The following PLPPR3 variants were observed in gnomAD, a reference collection of about 807,000 sequenced individuals.
The protein encoded by PLPPR3 is phospholipid phosphatase related 3.
Under a neutral mutation model 27.3 loss-of-function variants are expected in PLPPR3, and 14 were observed. That is an observed-to-expected ratio of 0.51 (90% CI 0.34 to 0.80). The LOEUF is 0.80. PLPPR3 is among the 30% of genes least tolerant of loss of function. PLPPR3 has a pLI of 0.01. For synonymous variants in PLPPR3, 671 were observed against 508.0 expected (o/e 1.32, Z -4.32); for missense variants, 1,287 against 1,056.9 (o/e 1.22, Z -3.02).
rs777265718 is a variant in PLPPR3 at position 812,911 on chromosome 19, C to T, written c.1816G>A (p.Ala606Thr). Residue 606 changes from alanine to threonine, a missense_variant, in exon 8 of 8, where the codon GCG becomes ACG. By Grantham distance (58) the Ala-to-Thr change is moderately conservative (BLOSUM62 0). Transcript: ENST00000520876. ...SAGGAPWEWK[A>T]AGGGAKAEAD... ...TCCGCCTTGGCCCCGCCGCCCGCCG[C>T]CTTCCACTCCCAGGGCGCGCCGCCG... 1.5e-6 allele frequency: 2 copies of T among 1,306,968 alleles called. No homozygotes were observed. Among genetic ancestry groups the T allele is most frequent in the Admixed American group, 3.9e-5 (1 of 25,526 alleles). 81.0% of individuals were successfully genotyped at this position (1,306,968 alleles called of 1,614,324 possible).
Position 812,878 on chromosome 19 carries a change from C to G in PLPPR3, c.1849G>C (p.Gly617Arg). 8.3e-7 allele frequency: 1 copy of G among 1,209,476 alleles called. No individual in the cohort carries two copies. The highest frequency in any genetic ancestry group is 4.7e-5 in the Admixed American group (1 of 21,106). The allele number at this position is 1,209,476 out of a possible 1,614,324, so 74.9% of individuals were successfully genotyped here. The change falls in exon 8 of 8, where the codon GGC (glycine) becomes CGC (arginine). Residue 617 changes from glycine (G) to arginine (R), a missense_variant. Gly to Arg is a moderately radical substitution (Grantham distance 125). Transcript: ENST00000520876. The stretch of plus-strand genomic sequence containing the variant: ...GCCAGGTCCCCCAGCTCGTAGCCGC[C>G]GTCGGCCTCCGCCTTGGCCCCGCCG... Reference protein sequence around the residue: ...AGGGAKAEADGGYELGDLARG... With the variant: ...AGGGAKAEADRGYELGDLARG...
chr19:815,181 C>A lies in PLPPR3; in HGVS notation c.403+5G>T. 1 of 1,603,724 alleles carries A rather than the reference C, an allele frequency of 6.2e-7. No individual in the cohort carries two copies. On this transcript the variant is annotated splice_donor_5th_base_variant and intron_variant, in intron 4 of 7. Coordinates refer to ENST00000520876, the MANE Select transcript of PLPPR3 (RefSeq NM_001270366.2). ...CTCAGGGTCGGGGCGCGTCCCGCAACTCACCCACAAACCGCACCGTACGCC... is the reference window on the plus strand; with the variant it reads ...CTCAGGGTCGGGGCGCGTCCCGCAAATCACCCACAAACCGCACCGTACGCC...
rs1217749864 is a variant in PLPPR3, at chr19:813,754, C to G, written c.973G>C (p.Glu325Gln). 2.0e-6 allele frequency: 3 copies of G among 1,527,028 alleles called. No homozygotes were observed. Among genetic ancestry groups the G allele is most frequent in the Admixed American group, 2.0e-5 (1 of 49,550 alleles). 94.6% of individuals were successfully genotyped at this position (1,527,028 alleles called of 1,614,324 possible). A position where few individuals can be genotyped will look rare whatever the true frequency, so the allele number is the denominator to read the frequency against. Residue 325 changes from glutamate (E) to glutamine (Q), a missense_variant, in exon 8 of 8, where the codon GAG (glutamate) becomes CAG (glutamine). Physicochemically the swap from Glu to Gln is conservative, Grantham distance 29. Transcript: ENST00000520876. This position sits in a 1 kb window ranked among gnomAD's most constrained non-coding sequence, Gnocchi z 4.1. ...YQQNKSVSTDELGPPGRLEGA... is the reference protein window; with the variant it reads ...YQQNKSVSTDQLGPPGRLEGA... ...TCCAGCCGCCCTGGGGGCCCCAGCT[C>G]GTCGGTGCTCACCGACTTATTCTGC... is the stretch of plus-strand genomic sequence containing the variant.
chr19:815,237 C>T lies in PLPPR3; in HGVS notation c.352G>A (p.Ala118Thr), dbSNP rs755146182. The T allele has an allele frequency of 8.8e-6, 14 of 1,589,438 alleles. No individual in the cohort carries two copies. The East Asian group carries it at 1.6e-4, about 18-fold the overall frequency. ...GPAGAEGSIN[A>T]GGCNFNSFLR... ...AAGGAGTTGAAGTTGCAGCCGCCGG[C>T]GTTGATGCTGCCCTCCGCCCCGGCG... Residue 118 changes from alanine (A) to threonine (T), a missense_variant, in exon 4 of 8, where the codon GCC (alanine) becomes ACC (threonine). By Grantham distance (58) the Ala-to-Thr change is moderately conservative. Coordinates refer to ENST00000520876, the MANE Select transcript of PLPPR3 (RefSeq NM_001270366.2).
chr19:814,721 G>T lies in PLPPR3; in HGVS notation c.628C>A (p.Leu210Met). Residue 210 changes from leucine (L) to methionine (M), a missense_variant, in exon 6 of 8, where the codon CTG becomes ATG. By Grantham distance (15) the Leu-to-Met change is conservative. Coordinates refer to ENST00000520876, the MANE Select transcript of PLPPR3 (RefSeq NM_001270366.2). ...RKTFPSQHAT[L>M]SAFAAVYVSM... ...ACATAGACCGCGGCGAAGGCTGACA[G>T]CGTGGCGTGCTGGGACGGGAAGGTC... 1 of 1,586,812 alleles carries T rather than the reference G, an allele frequency of 6.3e-7. No homozygotes were observed. The highest frequency in any genetic ancestry group is 8.6e-7 in the Non-Finnish European group (1 of 1,169,576).
At chr19:818,700 AT>A (rs1203699937) in intron 2 of PLPPR3, among the ~76,000 whole-genome samples, 1 of 151,286 alleles carries the variant, frequency 6.6e-6, no homozygotes, top group Non-Finnish European at 1.5e-5. Context: ...CGCCCGGCTA[AT>A]TTTTTGTATT....
At chr19:823,119 C>G (rs551721020), upstream of PLPPR3, among the ~76,000 whole-genome samples, 6 of 129,046 alleles carry the variant, frequency 4.6e-5, no homozygotes, top group African/African-American at 1.7e-4. Flanking sequence ...GACTCTGTCT[C>G]AAAACAAACA....
In PLPPR3 at chr19:813,770, C is replaced by G. The variant is rs2034996891; in HGVS notation, c.957G>C (p.Lys319Asn). Residue 319 changes from lysine (K) to asparagine (N), a missense_variant, in exon 8 of 8, where the codon AAG becomes AAC. Coordinates refer to ENST00000520876, the MANE Select transcript of PLPPR3 (RefSeq NM_001270366.2). This position sits in a 1 kb window ranked among gnomAD's most constrained non-coding sequence, Gnocchi z 4.1. ...RGHDSVYQQN[K>N]SVSTDELGPP... The stretch of plus-strand genomic sequence containing the variant: ...GCCCCAGCTCGTCGGTGCTCACCGA[C>G]TTATTCTGCTGATAAACCGAGTCGT... 1.3e-6 allele frequency: 2 copies of G among 1,528,318 alleles called. No homozygotes were observed. Among genetic ancestry groups the G allele is most frequent in the Middle Eastern group, 1.7e-4 (1 of 5,984 alleles). The allele number at this position is 1,528,318 out of a possible 1,614,324, so 94.7% of individuals were successfully genotyped here.
At position 815,719 on chromosome 19, in the gene PLPPR3, GCTC is replaced by G; in HGVS notation, c.205_207del (p.Glu69del). 6.2e-7 allele frequency: 1 copy of G among 1,610,226 alleles called. No homozygotes were observed. Among genetic ancestry groups the G allele is most frequent in the South Asian group, 1.1e-5 (1 of 90,696 alleles). On this transcript the variant is annotated inframe_deletion, in exon 3 of 8. Coordinates refer to ENST00000520876, the MANE Select transcript of PLPPR3 (RefSeq NM_001270366.2). ...CTGAGCAGCATCAGCAGCGGGATGAGCTCCTCGTTGGTCTCCACGTAGGGCATG... is the reference window on the plus strand; with the variant it reads ...CTGAGCAGCATCAGCAGCGGGATGAGCTCGTTGGTCTCCACGTAGGGCATG...
At chr19:817,239 A>C (rs1029178174) in intron 2 of PLPPR3, among the ~76,000 whole-genome samples, 1 of 151,956 alleles carries the variant, frequency 6.6e-6, no homozygotes, top group Non-Finnish European at 1.5e-5. Flanking sequence ...TGGCCTCCCA[A>C]AGTGCTGGGA....
chr19:814,977 A>T lies in PLPPR3; in HGVS notation c.508T>A (p.Tyr170Asn). The T allele has an allele frequency of 6.2e-7, 1 of 1,612,578 alleles. No individual in the cohort carries two copies. Among genetic ancestry groups the T allele is most frequent in the Non-Finnish European group, 8.5e-7 (1 of 1,179,926 alleles). Residue 170 changes from tyrosine (Y) to asparagine (N), a missense_variant, in exon 5 of 8, where the codon TAC becomes AAC. Transcript: ENST00000520876. ...TCGCAGGACGTGCCCAGGAGAGTGT[A>T]GTTGGGCTTGCAGACGGTGAGGAAG... ...PFFLTVCKPN[Y>N]TLLGTSCEVN...
Position 813,346 on chromosome 19 carries a change from C to G in PLPPR3, c.1381G>C (p.Glu461Gln), listed in dbSNP as rs751876527. 3.6e-5 allele frequency: 53 copies of G among 1,475,132 alleles called. No individual in the cohort carries two copies. The highest frequency in any genetic ancestry group is 2.3e-4 in the Middle Eastern group (1 of 4,358). 91.4% of individuals were successfully genotyped at this position (1,475,132 alleles called of 1,614,324 possible). The change falls in exon 8 of 8, where the codon GAG becomes CAG. Residue 461 changes from glutamate to glutamine, a missense_variant. Transcript: ENST00000520876. This position sits in a 1 kb window ranked among gnomAD's most constrained non-coding sequence, Gnocchi z 4.1. Reference protein sequence around the residue: ...EEEEEEEEEDEGPAPPSLYPT... With the variant: ...EEEEEEEEEDQGPAPPSLYPT... ...TAGAGCGAGGGCGGGGCCGGGCCCTCGTCCTCCTCCTCTTCCTCCTCCTCC... is the reference window on the plus strand; with the variant it reads ...TAGAGCGAGGGCGGGGCCGGGCCCTGGTCCTCCTCCTCTTCCTCCTCCTCC...
In PLPPR3 at chr19:813,969, G is replaced by GAC. The variant is rs1163465273; in HGVS notation, c.832-75_832-74insGT. 616 of 1,401,950 alleles carry GAC rather than the reference G, an allele frequency of 4.4e-4. 4 individuals carry two copies. The highest frequency in any genetic ancestry group is 3.7e-3 in the South Asian group (238 of 64,148). The allele number at this position is 1,401,950 out of a possible 1,614,324, so 86.8% of individuals were successfully genotyped here. A position where few individuals can be genotyped will look rare whatever the true frequency, so the allele number is the denominator to read the frequency against. ...CTCCCCTGTGATCGTTGGACTTGCC[G>GAC]CGGGGGGCTCTGGACCGGGGGTGGG... On this transcript the variant is annotated intron_variant, in intron 7 of 7. Transcript: ENST00000520876. This position sits in a 1 kb window ranked among gnomAD's most constrained non-coding sequence, Gnocchi z 4.1.
intron 2 of PLPPR3, among the ~76,000 whole-genome samples, chr19:817,832 C>T (rs574228338): frequency 1.1e-4 from 17 of 152,244 alleles, no homozygotes; most frequent in East Asian, 7.7e-4. Flanking sequence ...ACCTGACACC[C>T]GGTTTGAAAA....
intron 2 of PLPPR3, among the ~76,000 whole-genome samples, chr19:817,794 C>T (rs1013277990): frequency 7.9e-5 from 12 of 152,098 alleles, no homozygotes; most frequent in East Asian, 1.9e-4. Flanking sequence ...GGGGCAGACG[C>T]GGAAAGTGGG....
chr19:822,126 C>A (rs1335016686), upstream of PLPPR3: 1 of 151,616 alleles, frequency 6.6e-6, no homozygotes, highest in Non-Finnish European at 1.5e-5. Context: ...GCCTCCCTGG[C>A]GCCGCCTCCC....
chr19:813,971 G>A lies in PLPPR3; in HGVS notation c.832-76C>T, dbSNP rs1046078817. ...CCCCTGTGATCGTTGGACTTGCCGC[G>A]GGGGGCTCTGGACCGGGGGTGGGGG... On this transcript the variant is annotated intron_variant, in intron 7 of 7. Transcript: ENST00000520876. The surrounding 1 kb of genome is among the most constrained non-coding windows in gnomAD (Gnocchi z 4.1). 3.2e-5 allele frequency: 45 copies of A among 1,397,164 alleles called. No homozygotes were observed. The highest frequency in any genetic ancestry group is 4.2e-5 in the Non-Finnish European group (45 of 1,079,436). The allele number at this position is 1,397,164 out of a possible 1,614,324, so 86.5% of individuals were successfully genotyped here. A position where few individuals can be genotyped will look rare whatever the true frequency, so the allele number is the denominator to read the frequency against.
In PLPPR3 at chr19:815,265, C is replaced by G. The variant is rs567480441; in HGVS notation, c.324G>C (p.Gly108=). 1.9e-6 allele frequency: 3 copies of G among 1,560,348 alleles called. 1 individual carries two copies. The highest frequency in any genetic ancestry group is 2.6e-6 in the Non-Finnish European group (3 of 1,155,264). The change falls in exon 4 of 8, where the codon GGG becomes GGC. Residue 108 remains glycine (G), a synonymous_variant. Coordinates refer to ENST00000520876, the MANE Select transcript of PLPPR3 (RefSeq NM_001270366.2). ...TGATGCTGCCCTCCGCCCCGGCGGG[C>G]CCCCCGGCACGGCCCCACAGCCGGG... ...LQSRLWGRAG[G]PAGAEGSINA...
Position 821,523 on chromosome 19 carries a change from C to G in PLPPR3, c.37G>C (p.Asp13His), listed in dbSNP as rs779967897. The change falls in exon 2 of 8, where the codon GAC (aspartate) becomes CAC (histidine). Residue 13 changes from aspartate to histidine, a missense_variant. Transcript: ENST00000520876. ...AAGCAGGGCAGAAGCGTCATGCTGTCCTTCGGGATCTTGTTCTTCTCCTTG... is the reference window on the plus strand; with the variant it reads ...AAGCAGGGCAGAAGCGTCATGCTGTGCTTCGGGATCTTGTTCTTCTCCTTG... ...STKEKNKIPK[D>H]SMTLLPCFYF... 1.9e-5 allele frequency: 29 copies of G among 1,503,450 alleles called. No individual in the cohort carries two copies. Among genetic ancestry groups the G allele is most frequent in the Admixed American group, 1.7e-4 (8 of 47,026 alleles). 93.1% of individuals were successfully genotyped at this position (1,503,450 alleles called of 1,614,324 possible). A position where few individuals can be genotyped will look rare whatever the true frequency, so the allele number is the denominator to read the frequency against.
Sources: gnomAD v4.1 joint callset for allele counts (sites outside exome capture counted in the v4.1 genomes callset) on GRCh38, gnomAD v4.1.1 for gene constraint, Gnocchi (gnomAD v3.1) non-coding constraint, MANE v1.5 for transcripts, NCBI Gene and HGNC (gene_info 2026-07-23, HGNC 2026-07-21) for gene names.